DIP2B: variants seen among roughly 807,000 people sequenced by gnomAD.
DIP2B encodes the protein disco-interacting protein 2 homolog B.
DIP2B carries 76 observed loss-of-function variants against 198.0 expected under a neutral mutation model. That is an observed-to-expected ratio of 0.38 (90% CI 0.32 to 0.46). DIP2B has a LOEUF of 0.46. DIP2B is among the 20% of genes least tolerant of loss of function. DIP2B has a pLI of 0.99. For missense variants in DIP2B, 1,559 were observed against 1,978.4 expected, an observed-to-expected ratio of 0.79 and a Z score of 4.02; for synonymous variants, 701 against 739.1, an observed-to-expected ratio of 0.95 and a Z score of 0.84.
intron 3 of DIP2B, among the ~76,000 whole-genome samples, chr12:50,653,960 A>G (rs1205319889): frequency 6.6e-6 from 1 of 151,686 alleles, no homozygotes; most frequent in African/African-American, 2.4e-5. Context: ...TGCAACCTCC[A>G]CCTCCTGGGT....
chr12:50,658,669 G>A (rs1340384122), intron 3 of DIP2B, among the ~76,000 whole-genome samples: 2 of 152,116 alleles, frequency 1.3e-5, no homozygotes, highest in Non-Finnish European at 2.9e-5. Flanking sequence ...TGATAATAAG[G>A]AATTGTGTAA....
chr12:50,686,781 G>A, intron 12 of DIP2B, 99 bp downstream of exon 12: 1 of 1,080,938 alleles, frequency 9.3e-7, no homozygotes. Context: ...GTTAATGTTA[G>A]AAGATCCTCC....
intron 4 of DIP2B, among the ~76,000 whole-genome samples, chr12:50,670,452 G>C (rs1938832032): frequency 6.6e-6 from 1 of 152,088 alleles, no homozygotes; most frequent in Admixed American, 6.5e-5. Flanking sequence ...GTCTCGCTCT[G>C]TTGCCCAGGC....
intron 2 of DIP2B, among the ~76,000 whole-genome samples, chr12:50,632,427 C>T (rs1383564183): frequency 2.4e-4 from 33 of 135,274 alleles, no homozygotes; most frequent in African/African-American, 4.0e-4. Flanking sequence ...TGCAGTGAGC[C>T]GAGATTGTGC....
chr12:50,626,375 C>T (rs777194875), intron 2 of DIP2B, among the ~76,000 whole-genome samples: 1 of 152,018 alleles, frequency 6.6e-6, no homozygotes, highest in African/African-American at 2.4e-5. Context: ...GTGCACAAAC[C>T]GTGATGAAGA....
At chr12:50,729,238 G>C (rs1195110846) in intron 30 of DIP2B, among the ~76,000 whole-genome samples, 1 of 152,140 alleles carries the variant, frequency 6.6e-6, no homozygotes, top group African/African-American at 2.4e-5. Flanking sequence ...TTCTCCTCCT[G>C]TTCTCTCTTT....
intron 1 of DIP2B, among the ~76,000 whole-genome samples, chr12:50,589,435 T>C (rs1958800321): frequency 6.6e-6 from 1 of 151,784 alleles, no homozygotes; most frequent in Admixed American, 6.6e-5. Flanking sequence ...GACCTCGGCG[T>C]CCCAAAGTGC....
chr12:50,734,379 T>C (rs1940100827), intron 33 of DIP2B, among the ~76,000 whole-genome samples, 183 bp downstream of exon 33: 1 of 152,260 alleles, frequency 6.6e-6, no homozygotes, highest in South Asian at 2.1e-4. Flanking sequence ...AAGCTTTAAT[T>C]CTCTCAGTTG....
chr12:50,563,448 A>G (rs1030692010), intron 1 of DIP2B, among the ~76,000 whole-genome samples: 29 of 150,362 alleles, frequency 1.9e-4, no homozygotes, highest in African/African-American at 6.8e-4. Flanking sequence ...TGGCCTCCCA[A>G]AGTGCTGGGA....
chr12:50,710,417 CTGTTT>C (rs1555194488), intron 22 of DIP2B, among the ~76,000 whole-genome samples: 1 of 151,520 alleles, frequency 6.6e-6, no homozygotes, highest in African/African-American at 2.4e-5. Flanking sequence ...TGCTAGATGA[CTGTTT>C]TGTTTTGTTT....
intron 3 of DIP2B, among the ~76,000 whole-genome samples, chr12:50,650,598 T>C (rs1451325196): frequency 6.6e-6 from 1 of 152,246 alleles, no homozygotes; most frequent in African/African-American, 2.4e-5. Context: ...CTCTGCACAG[T>C]GTCCTCAGGT....
At chr12:50,728,809 G>T in intron 30 of DIP2B, 131 bp downstream of exon 30, 1 of 1,237,180 alleles carries the variant, frequency 8.1e-7, no homozygotes, top group East Asian at 2.5e-5. Context: ...AGAATTTATG[G>T]ATCTACTGTG....
intron 1 of DIP2B, among the ~76,000 whole-genome samples, chr12:50,615,661 A>G (rs1937685908): frequency 6.6e-6 from 1 of 152,192 alleles, no homozygotes; most frequent in Admixed American, 6.5e-5. Context: ...GGAGTTGTCA[A>G]CTAAAACAAG....
At chr12:50,655,114 G>A in intron 3 of DIP2B, 2 of 408,818 alleles carry the variant, frequency 4.9e-6, no homozygotes, top group South Asian at 3.5e-5. Flanking sequence ...TAAAATATTA[G>A]AAACATCTAC....
At chr12:50,629,590 C>T (rs867479532) in intron 2 of DIP2B, among the ~76,000 whole-genome samples, 20 of 152,274 alleles carry the variant, frequency 1.3e-4, no homozygotes, top group South Asian at 6.2e-4. Flanking sequence ...ATCTTCAACC[C>T]GATCTCTTCC....
intron 3 of DIP2B, among the ~76,000 whole-genome samples, chr12:50,649,981 G>A (rs1237387647): frequency 1.3e-5 from 2 of 152,180 alleles, no homozygotes; most frequent in African/African-American, 2.4e-5. Context: ...AGCCGAGGCG[G>A]GTGGATCACC....
At chr12:50,701,180 A>C (rs1010515932) in intron 19 of DIP2B, among the ~76,000 whole-genome samples, 2 of 152,244 alleles carry the variant, frequency 1.3e-5, no homozygotes, top group Non-Finnish European at 2.9e-5. Context: ...TAAAATCTGC[A>C]TTATAAATTT....
chr12:50,608,115 A>G (rs1958999911), intron 1 of DIP2B, among the ~76,000 whole-genome samples: 1 of 152,190 alleles, frequency 6.6e-6, no homozygotes, highest in Non-Finnish European at 1.5e-5. Context: ...TTTTCAAATA[A>G]GCTGTAGTCT....
chr12:50,741,477 A>G lies in DIP2B; in HGVS notation c.4416A>G (p.Leu1472=), dbSNP rs756801242. 10 of 1,614,074 alleles carry G rather than the reference A, an allele frequency of 6.2e-6. No individual in the cohort carries two copies. The South Asian group carries it at 9.9e-5, about 16-fold the overall frequency. ...ATGAAACACTGGAGCTGAGAGGATTACGATACCACCCAATTGATATTGAGA... is the reference window on the plus strand; with the variant it reads ...ATGAAACACTGGAGCTGAGAGGATTGCGATACCACCCAATTGATATTGAGA... The part of the protein sequence containing the change: ...ALDETLELRG[L]RYHPIDIETS... Residue 1472 remains leucine (L), a synonymous_variant, in exon 37 of 38, where the codon TTA becomes TTG. Coordinates refer to ENST00000301180, the MANE Select transcript of DIP2B (RefSeq NM_173602.3).
Sources: allele counts gnomAD v4.1 joint callset (sites outside exome capture counted in the v4.1 genomes callset), GRCh38; gene constraint gnomAD v4.1.1; transcripts MANE v1.5; gene names NCBI Gene and HGNC (gene_info 2026-07-23, HGNC 2026-07-21).